NUF2: variants seen among roughly 807,000 people sequenced by gnomAD.
The protein encoded by NUF2 is kinetochore protein Nuf2.
NUF2 carries 34 observed loss-of-function variants against 61.8 expected under a neutral mutation model. The ratio of observed to expected loss-of-function variants is 0.55; its 90% CI spans 0.42 to 0.73. NUF2 has a LOEUF of 0.73. Among genes scored for constraint, NUF2 ranks in the 30% least tolerant of loss-of-function variants. The pLI, the probability that NUF2 is intolerant of heterozygous loss-of-function variation, is 0.00. For synonymous variants in NUF2, 172 were observed against 181.6 expected (o/e 0.95, Z 0.42); for missense variants, 445 against 539.1 (o/e 0.83, Z 1.73).
At chr1:163,337,826 C>T (rs1050830960) in intron 6 of NUF2, among the ~76,000 whole-genome samples, 194 bp from the exon 7 acceptor site, 9 of 151,958 alleles carry the variant, frequency 5.9e-5, no homozygotes, top group African/African-American at 1.9e-4. Flanking sequence ...TTCTCAGTAC[C>T]GAGCTCAGTG....
At chr1:163,339,640 CA>C (rs1650875934) in intron 8 of NUF2, among the ~76,000 whole-genome samples, 163 bp downstream of exon 8, 1 of 152,104 alleles carries the variant, frequency 6.6e-6, no homozygotes, top group East Asian at 1.9e-4. Context: ...ATACTTCTCT[CA>C]ACCATCTAGA....
At chr1:163,340,318 C>A in intron 8 of NUF2, 46 bp from the exon 9 acceptor site, 2 of 1,438,326 alleles carry the variant, frequency 1.4e-6, no homozygotes, top group Non-Finnish European at 1.9e-6. Context: ...GTGGCTAAAT[C>A]TAAATGTTTT....
chr1:163,349,883 T>C (rs2101690860), intron 13 of NUF2, among the ~76,000 whole-genome samples: 1 of 151,762 alleles, frequency 6.6e-6, no homozygotes, highest in East Asian at 1.9e-4. Flanking sequence ...GTCTTCCCAA[T>C]ACCTGGCCTG....
chr1:163,341,176 T>C (rs1470649276), intron 9 of NUF2, among the ~76,000 whole-genome samples: 1 of 151,868 alleles, frequency 6.6e-6, no homozygotes, highest in African/African-American at 2.4e-5. Flanking sequence ...TACTGTTACA[T>C]TGAAAAAAAA....
At chr1:163,341,636 TA>T (rs1650950858) in intron 9 of NUF2, among the ~76,000 whole-genome samples, 1 of 152,084 alleles carries the variant, frequency 6.6e-6, no homozygotes, top group Non-Finnish European at 1.5e-5. Context: ...TTTATTTATT[TA>T]TTTTTTGAGA....
Position 163,326,069 on chromosome 1 carries a change from C to T in NUF2, c.18C>T (p.Phe6=). The T allele has an allele frequency of 1.2e-6, 2 of 1,612,006 alleles. No individual in the cohort carries two copies. Among genetic ancestry groups the T allele is most frequent in the Non-Finnish European group, 1.7e-6 (2 of 1,178,768 alleles). The change falls in exon 2 of 14, where the codon TTC becomes TTT. Residue 6 remains phenylalanine, a synonymous_variant. Coordinates refer to ENST00000271452, the MANE Select transcript of NUF2 (RefSeq NM_145697.3). METLS[F]PRYNVAEIVI... Reference sequence around the variant, plus strand: ...CTTCCAAGATGGAAACTTTGTCTTTCCCCAGATATAATGTAGCTGAGATTG... The same window carrying T: ...CTTCCAAGATGGAAACTTTGTCTTTTCCCAGATATAATGTAGCTGAGATTG...
Position 163,339,443 on chromosome 1 carries a change from A to G in NUF2, c.572A>G (p.Gln191Arg), listed in dbSNP as rs143503582. 3.1e-6 allele frequency: 5 copies of G among 1,612,292 alleles called. No homozygotes were observed. Among genetic ancestry groups the G allele is most frequent in the Middle Eastern group, 1.7e-4 (1 of 6,056 alleles). The part of the protein sequence containing the change: ...KQLSDGIQEL[Q>R]QSLNQDFHQK... The stretch of plus-strand genomic sequence containing the variant: ...CTTTCAGATGGAATTCAGGAGCTAC[A>G]ACAATCACTAAATCAGGATTTTCAT... Residue 191 changes from glutamine to arginine, a missense_variant, in exon 8 of 14, where the codon CAA becomes CGA. Coordinates refer to ENST00000271452, the MANE Select transcript of NUF2 (RefSeq NM_145697.3).
intron 5 of NUF2, among the ~76,000 whole-genome samples, chr1:163,329,625 TA>T (rs1650535096): frequency 6.6e-6 from 1 of 152,286 alleles, no homozygotes; most frequent in Middle Eastern, 3.4e-3. Context: ...CACACACTTT[TA>T]AGTGACCAGA....
chr1:163,323,494 G>T (rs1650307232), intron 1 of NUF2, among the ~76,000 whole-genome samples: 1 of 152,106 alleles, frequency 6.6e-6, no homozygotes, highest in African/African-American at 2.4e-5. Context: ...TGAGGTGGGA[G>T]GATCACTTGA....
intron 1 of NUF2, among the ~76,000 whole-genome samples, chr1:163,323,660 A>G (rs1016773735): frequency 6.6e-6 from 1 of 152,226 alleles, no homozygotes; most frequent in Non-Finnish European, 1.5e-5. Context: ...TCGAGGCTGC[A>G]GTGAGCTGTG....
In NUF2 at chr1:163,355,326, T is replaced by G. The variant is rs760874560; in HGVS notation, c.1261-9T>G. 1.3e-6 allele frequency: 2 copies of G among 1,589,140 alleles called. No homozygotes were observed. Among genetic ancestry groups the G allele is most frequent in the Non-Finnish European group, 1.7e-6 (2 of 1,168,020 alleles). The stretch of plus-strand genomic sequence containing the variant: ...GAATAATTATTATTCTGTTTCATTT[T>G]CTACTTAGGAAATATTTCTAAACTT... On this transcript the variant is annotated splice_polypyrimidine_tract_variant and intron_variant, in intron 13 of 13. Transcript: ENST00000271452.
intron 9 of NUF2, among the ~76,000 whole-genome samples, chr1:163,341,819 G>A (rs1014836530): frequency 6.6e-6 from 1 of 151,916 alleles, no homozygotes; most frequent in African/African-American, 2.4e-5. Context: ...TAGTAGAGAT[G>A]GGGTTTTACC....
chr1:163,345,867 A>G (rs957588380), intron 11 of NUF2, 49 bp downstream of exon 11: 3 of 1,306,416 alleles, frequency 2.3e-6, no homozygotes, highest in African/African-American at 1.5e-5. Context: ...ACAGCTTACT[A>G]TAGTTCCTTG....
intron 2 of NUF2, 58 bp from the exon 3 acceptor site, chr1:163,327,430 A>G: frequency 1.2e-6 from 1 of 866,796 alleles, no homozygotes. Context: ...GGTAATGATG[A>G]TAGTGACATA....
At chr1:163,325,033 A>G (rs986898743) in intron 1 of NUF2, among the ~76,000 whole-genome samples, 1 of 151,442 alleles carries the variant, frequency 6.6e-6, no homozygotes, top group Non-Finnish European at 1.5e-5. Flanking sequence ...AGTGGCTGGG[A>G]CTACAGGCAT....
chr1:163,341,312 C>T (rs922604349), intron 9 of NUF2, among the ~76,000 whole-genome samples: 5 of 152,006 alleles, frequency 3.3e-5, no homozygotes, highest in Non-Finnish European at 5.9e-5. Flanking sequence ...TGGGTTCGAG[C>T]GATTCTTCTG....
At chr1:163,328,809 A>T (rs776745859) in intron 4 of NUF2, 37 bp from the exon 5 acceptor site, 1 of 1,316,518 alleles carries the variant, frequency 7.6e-7, no homozygotes, top group African/African-American at 1.4e-5. Context: ...AATGTGCAAA[A>T]TACTTTTCAA....
rs1407434087 is a variant in NUF2, at chr1:163,328,841, T to A, written c.276-5T>A. 6.3e-7 allele frequency: 1 copy of A among 1,588,424 alleles called. No individual in the cohort carries two copies. The highest frequency in any genetic ancestry group is 8.6e-7 in the Non-Finnish European group (1 of 1,157,042). On this transcript the variant is annotated splice_polypyrimidine_tract_variant and splice_region_variant and intron_variant, in intron 4 of 13. Transcript: ENST00000271452. ...TCAATAGTCTTTTTGTACTTCATCTTCAAGGGACTCATTTTTGCCTATCTG... is the reference window on the plus strand; with the variant it reads ...TCAATAGTCTTTTTGTACTTCATCTACAAGGGACTCATTTTTGCCTATCTG...
intron 13 of NUF2, among the ~76,000 whole-genome samples, chr1:163,352,782 C>A (rs950533003): frequency 6.6e-6 from 1 of 152,066 alleles, no homozygotes; most frequent in Admixed American, 6.5e-5. Context: ...TGGAGAATGT[C>A]GTGAACCCGG....
Sources: allele counts gnomAD v4.1 joint callset (sites outside exome capture counted in the v4.1 genomes callset), GRCh38; gene constraint gnomAD v4.1.1; transcripts MANE v1.5; gene names NCBI Gene and HGNC (gene_info 2026-07-23, HGNC 2026-07-21).